ABTB2: variants seen among roughly 807,000 people sequenced by gnomAD.
ABTB2 encodes the protein ankyrin repeat and BTB domain containing 2, also known as ankyrin repeat and BTB/POZ domain-containing protein 2.
Under a neutral mutation model 104.1 loss-of-function variants are expected in ABTB2, and 56 were observed. The observed-to-expected ratio is 0.54, with a 90% CI of 0.43 to 0.67. The LOEUF (loss-of-function observed/expected upper bound fraction) is 0.67. ABTB2 is among the 30% of genes least tolerant of loss of function. The pLI is 0.00. For missense variants in ABTB2, 1,279 were observed against 1,407.7 expected, an observed-to-expected ratio of 0.91 and a Z score of 1.46; for synonymous variants, 606 against 608.2, an observed-to-expected ratio of 1.00 and a Z score of 0.05.
chr11:34,233,457 C>A (rs1347618985), intron 1 of ABTB2, among the ~76,000 whole-genome samples: 2 of 151,670 alleles, frequency 1.3e-5, no homozygotes, highest in Admixed American at 6.6e-5. Context: ...CTCAAGCAAT[C>A]CTCCTGCCTC....
chr11:34,313,461 C>T (rs1475094246), intron 1 of ABTB2, among the ~76,000 whole-genome samples: 2 of 152,166 alleles, frequency 1.3e-5, no homozygotes, highest in East Asian at 1.9e-4. Flanking sequence ...CACCATCAGG[C>T]CCCCCAGAGA....
intron 5 of ABTB2, among the ~76,000 whole-genome samples, chr11:34,168,612 A>G (rs561851473): frequency 6.6e-6 from 1 of 152,328 alleles, no homozygotes; most frequent in African/African-American, 2.4e-5. Context: ...AGGGGAACTG[A>G]CTGCCCAAAG....
At chr11:34,214,139 A>AACAC (rs10529537) in intron 1 of ABTB2, among the ~76,000 whole-genome samples, 10,817 of 139,148 alleles carry the variant, frequency 0.078, 459 homozygotes, top group Non-Finnish European at 0.096. Context: ...GCACATTCAA[A>AACAC]ACACACACAC....
chr11:34,153,648 T>C (rs1340577352), intron 16 of ABTB2, among the ~76,000 whole-genome samples: 1 of 152,022 alleles, frequency 6.6e-6, no homozygotes, highest in Non-Finnish European at 1.5e-5. Flanking sequence ...CTGGCCATGG[T>C]TTTTGAACTT....
intron 9 of ABTB2, among the ~76,000 whole-genome samples, chr11:34,163,658 AGCCCATG>A (rs1222999489): frequency 2.0e-5 from 3 of 152,304 alleles, no homozygotes; most frequent in Admixed American, 2.0e-4. Context: ...CTACCTGCCA[AGCCCATG>A]GCCTGGAGGT....
intron 1 of ABTB2, among the ~76,000 whole-genome samples, chr11:34,240,603 C>CT (rs1183248356): frequency 1.3e-5 from 2 of 152,148 alleles, no homozygotes; most frequent in Admixed American, 6.5e-5. Context: ...TCCTCCCCGC[C>CT]TTTTTTTGAG....
intron 1 of ABTB2, among the ~76,000 whole-genome samples, chr11:34,217,456 G>GT (rs912278925): frequency 6.0e-5 from 9 of 150,612 alleles, no homozygotes; most frequent in South Asian, 4.2e-4. Flanking sequence ...GTAGATATAA[G>GT]TTTTTTTTGT....
chr11:34,211,659 C>T (rs532627386), intron 1 of ABTB2, among the ~76,000 whole-genome samples: 50 of 151,842 alleles, frequency 3.3e-4, no homozygotes, highest in Non-Finnish European at 5.9e-4. Context: ...TTTGGGAGGC[C>T]AAGGCAGGAG....
At chr11:34,176,279 C>CAAAA (rs58009507) in intron 3 of ABTB2, among the ~76,000 whole-genome samples, 15 of 74,732 alleles carry the variant, frequency 2.0e-4, no homozygotes, top group South Asian at 5.5e-4. Flanking sequence ...GACTCCGTCT[C>CAAAA]AAAAAAAAAA....
At position 34,160,344 on chromosome 11, in the gene ABTB2, CGGAGTCGTTCTGTGG is replaced by C; in HGVS notation, c.2398-6_2406del. 6.2e-7 allele frequency: 1 copy of C among 1,613,792 alleles called. No individual in the cohort carries two copies. Among genetic ancestry groups the C allele is most frequent in the Non-Finnish European group, 8.5e-7 (1 of 1,179,780 alleles). On this transcript the variant is annotated splice_acceptor_variant and splice_polypyrimidine_tract_variant and coding_sequence_variant and intron_variant, in exon 12 of 17. Transcript: ENST00000435224. LOFTEE classifies it high-confidence loss of function. ...AAGATGGTAGCCAGTTGCTGGATGA[CGGAGTCGTTCTGTGG>C]GGAGAGGAGAGAGGGCCTGTGAGCT...
chr11:34,182,580 C>T (rs1213063507), intron 3 of ABTB2, among the ~76,000 whole-genome samples: 3 of 151,074 alleles, frequency 2.0e-5, no homozygotes, highest in Non-Finnish European at 4.4e-5. Context: ...CCCAGATACA[C>T]ATAGGGACAG....
chr11:34,357,150 C>A lies in ABTB2; in HGVS notation c.434G>T (p.Arg145Leu). The A allele has an allele frequency of 6.7e-7, 1 of 1,490,484 alleles. No individual in the cohort carries two copies. Among genetic ancestry groups the A allele is most frequent in the Non-Finnish European group, 8.9e-7 (1 of 1,129,224 alleles). The allele number at this position is 1,490,484 out of a possible 1,614,324, so 92.3% of individuals were successfully genotyped here. ...GCACTTGGCGTGCAGCACGCTCAGG[C>A]GCTGCGCCTCGCGGGCCACGCGGAT... ...ALIRVAREAQRLSVLHAKCTR... is the reference protein window; with the variant it reads ...ALIRVAREAQLLSVLHAKCTR... Residue 145 changes from arginine to leucine, a missense_variant, in exon 1 of 17, where the codon CGC (arginine) becomes CTC (leucine). Physicochemically the swap from Arg to Leu is moderately radical, Grantham distance 102. Coordinates refer to ENST00000435224, the MANE Select transcript of ABTB2 (RefSeq NM_145804.3).
chr11:34,172,903 C>T (rs1852903558), intron 4 of ABTB2, among the ~76,000 whole-genome samples: 1 of 152,206 alleles, frequency 6.6e-6, no homozygotes, highest in Non-Finnish European at 1.5e-5. Context: ...TGCCCCAGTC[C>T]CAATGTGTGT....
chr11:34,237,079 T>C (rs1853853729), intron 1 of ABTB2, among the ~76,000 whole-genome samples: 2 of 152,174 alleles, frequency 1.3e-5, no homozygotes, highest in Admixed American at 1.3e-4. Flanking sequence ...CTCTGGATCA[T>C]CTTGGACAAG....
At chr11:34,162,515 A>G in intron 10 of ABTB2, 61 bp downstream of exon 10, 1 of 1,538,806 alleles carries the variant, frequency 6.5e-7, no homozygotes, top group Non-Finnish European at 8.9e-7. Flanking sequence ...AGCAGCAGGG[A>G]GTGACCGTGT....
At chr11:34,284,604 G>A (rs1490056919) in intron 1 of ABTB2, among the ~76,000 whole-genome samples, 2 of 150,262 alleles carry the variant, frequency 1.3e-5, no homozygotes, top group Non-Finnish European at 1.5e-5. Context: ...ACAGAGGTGA[G>A]GAGGTCATAC....
chr11:34,267,414 C>A (rs1335790849), intron 1 of ABTB2, among the ~76,000 whole-genome samples: 1 of 152,294 alleles, frequency 6.6e-6, no homozygotes, highest in East Asian at 1.9e-4. Flanking sequence ...CTGACGGCAT[C>A]ACTCCCTGCC....
chr11:34,221,675 C>G (rs1453164679), intron 1 of ABTB2, among the ~76,000 whole-genome samples: 2 of 152,216 alleles, frequency 1.3e-5, no homozygotes, highest in African/African-American at 4.8e-5. Flanking sequence ...CCTCACGGGG[C>G]AATCCTCTGG....
chr11:34,261,735 T>C (rs1382581343), intron 1 of ABTB2, among the ~76,000 whole-genome samples: 44 of 152,202 alleles, frequency 2.9e-4, no homozygotes, highest in Admixed American at 2.9e-3. Flanking sequence ...ATCACCATTT[T>C]TACTCTTTTA....
Sources: allele counts gnomAD v4.1 joint callset (sites outside exome capture counted in the v4.1 genomes callset), GRCh38; gene constraint gnomAD v4.1.1; transcripts MANE v1.5; gene names NCBI Gene and HGNC (gene_info 2026-07-23, HGNC 2026-07-21).